The following TRIM14 variants were observed in gnomAD, a reference collection of about 807,000 sequenced individuals.
TRIM14 encodes tripartite motif containing 14.
Under a neutral mutation model 44.5 loss-of-function variants are expected in TRIM14, and 28 were observed. The ratio of observed to expected loss-of-function variants is 0.63; its 90% CI spans 0.47 to 0.86. TRIM14 has a LOEUF of 0.86. TRIM14 is among the 40% of genes least tolerant of loss of function. The pLI is 0.00. For synonymous variants in TRIM14, 299 were observed against 269.2 expected, an observed-to-expected ratio of 1.11 and a Z score of -1.08; for missense variants, 607 against 611.1, an observed-to-expected ratio of 0.99 and a Z score of 0.07.
At chr9:98,097,129 G>C (rs1231870333) in intron 3 of TRIM14, among the ~76,000 whole-genome samples, 1 of 152,314 alleles carries the variant, frequency 6.6e-6, no homozygotes, top group Non-Finnish European at 1.5e-5. Flanking sequence ...GGGAGGCAAA[G>C]GTTGCAGTAA....
chr9:98,104,412 C>T (rs1564184813), intron 2 of TRIM14, among the ~76,000 whole-genome samples: 1 of 152,210 alleles, frequency 6.6e-6, no homozygotes, highest in Non-Finnish European at 1.5e-5. Flanking sequence ...CTTCACGACG[C>T]TATACCTTGT....
chr9:98,081,542 C>T (rs535869504), downstream of TRIM14: 5 of 161,408 alleles, frequency 3.1e-5, no homozygotes, highest in South Asian at 1.7e-4. Context: ...GGCAGTGAGT[C>T]GTTGCAGAGG....
At chr9:98,057,250 C>G in the TRIM14 span, among the ~76,000 whole-genome samples, 1 of 152,224 alleles carries the variant, frequency 6.6e-6, no homozygotes, top group Non-Finnish European at 1.5e-5. Context: ...CTGTGGCTCC[C>G]TCCTGCCCGC....
At chr9:98,043,185 T>TTA in the TRIM14 span, among the ~76,000 whole-genome samples, 1 of 151,796 alleles carries the variant, frequency 6.6e-6, no homozygotes, top group African/African-American at 2.4e-5. Flanking sequence ...AATTTGCATT[T>TTA]TTTTTTTTTT....
chr9:98,052,488 T>A, the TRIM14 span, among the ~76,000 whole-genome samples: 1 of 150,060 alleles, frequency 6.7e-6, no homozygotes, highest in African/African-American at 2.4e-5. Flanking sequence ...TCTTTTTTCT[T>A]AAAAAAAAAA....
At chr9:98,096,824 G>C (rs1826203280) in intron 3 of TRIM14, among the ~76,000 whole-genome samples, 2 of 152,074 alleles carry the variant, frequency 1.3e-5, no homozygotes, top group Admixed American at 1.3e-4. Context: ...GGCCTCCTCT[G>C]TCCATCTTCC....
the TRIM14 span, among the ~76,000 whole-genome samples, chr9:98,061,957 C>T: frequency 6.6e-6 from 1 of 151,712 alleles, no homozygotes; most frequent in Non-Finnish European, 1.5e-5. Context: ...TGTGGTGGCT[C>T]ACACCTGTAA....
chr9:98,076,872 GT>G, intron 6 of TRIM14: 4 of 1,493,938 alleles, frequency 2.7e-6, no homozygotes, highest in East Asian at 2.3e-5. Context: ...TAACAACAGT[GT>G]TTTTGGACAA....
chr9:98,079,376 C>T (rs1360146304), downstream of TRIM14, among the ~76,000 whole-genome samples: 2 of 152,114 alleles, frequency 1.3e-5, no homozygotes, highest in Non-Finnish European at 2.9e-5. Context: ...CCTGATATTG[C>T]AGTTGTTTTC....
downstream of TRIM14, chr9:98,081,243 T>G (rs1434599528): frequency 1.3e-5 from 12 of 903,062 alleles, no homozygotes; most frequent in Admixed American, 2.8e-5. Context: ...TTCTCTTCAG[T>G]AATGCATGTC....
chr9:98,074,016 G>A (rs1440591406), intron 6 of TRIM14, among the ~76,000 whole-genome samples: 2 of 151,922 alleles, frequency 1.3e-5, no homozygotes, highest in Admixed American at 1.3e-4. Context: ...AAACTCCTGG[G>A]CTAAAATGAT....
At chr9:98,055,443 G>T in the TRIM14 span, among the ~76,000 whole-genome samples, 1 of 152,218 alleles carries the variant, frequency 6.6e-6, no homozygotes, top group Non-Finnish European at 1.5e-5. Flanking sequence ...TGCCAAGTCA[G>T]TTCCTGGTTG....
chr9:98,081,066 TGGC>T, downstream of TRIM14: 1 of 1,614,182 alleles, frequency 6.2e-7, no homozygotes, highest in South Asian at 1.1e-5. Flanking sequence ...CCCTGTGAGA[TGGC>T]CTGCAATGAG....
At chr9:98,041,754 C>T in the TRIM14 span, among the ~76,000 whole-genome samples, 1 of 151,590 alleles carries the variant, frequency 6.6e-6, no homozygotes, top group African/African-American at 2.4e-5. Flanking sequence ...ACAATCTCGG[C>T]TCACTGCAAG....
chr9:98,111,402 A>AT (rs1826849159), intron 1 of TRIM14, among the ~76,000 whole-genome samples: 2 of 150,918 alleles, frequency 1.3e-5, no homozygotes, highest in Non-Finnish European at 2.9e-5. Context: ...GCTAGACCCC[A>AT]TTTTTACCAA....
downstream of TRIM14, among the ~76,000 whole-genome samples, chr9:98,066,968 T>C (rs146376219): frequency 6.6e-6 from 1 of 152,330 alleles, no homozygotes; most frequent in East Asian, 1.9e-4. Context: ...TCTGTCTCTA[T>C]AAATTTGCCT....
intron 5 of TRIM14, among the ~76,000 whole-genome samples, chr9:98,090,650 G>A (rs1455277089): frequency 1.4e-5 from 2 of 146,542 alleles, no homozygotes; most frequent in Non-Finnish European, 1.5e-5. Flanking sequence ...TGCAACCTTC[G>A]CCTCCCGGGT....
chr9:98,080,857 T>C, downstream of TRIM14: 1 of 1,610,992 alleles, frequency 6.2e-7, no homozygotes, highest in Non-Finnish European at 8.5e-7. Context: ...TAGGGTATTC[T>C]GGGCATGAAA....
chr9:98,090,232 A>G lies in TRIM14; in HGVS notation c.793+1677T>C, dbSNP rs1047733349. 6.6e-5 allele frequency among the ~76,000 whole-genome samples: 10 copies of G among 152,252 alleles called. 1 individual carries two copies. The highest frequency in any genetic ancestry group is 5.9e-4 in the Admixed American group (9 of 15,284). ...ACACAAAAACCCAAATAATCTGTAG[A>G]TAGCTTAGAAGTACTAAGTGAATTT... is the stretch of plus-strand genomic sequence containing the variant. On this transcript the variant is annotated intron_variant, in intron 5 of 5. Transcript: ENST00000341469.
Sources: gnomAD v4.1 joint callset for allele counts (sites outside exome capture counted in the v4.1 genomes callset) on GRCh38, gnomAD v4.1.1 for gene constraint, MANE v1.5 for transcripts, NCBI Gene and HGNC (gene_info 2026-07-23, HGNC 2026-07-21) for gene names.